Variants in RIMS2 observed in about 807,000 individuals in gnomAD.
RIMS2 encodes the protein regulating synaptic membrane exocytosis 2.
Under a neutral mutation model 174.4 loss-of-function variants are expected in RIMS2, and 59 were observed. The observed-to-expected ratio is 0.34, with a 90% CI of 0.27 to 0.42. The LOEUF is 0.42. Among genes scored for constraint, RIMS2 ranks in the 10% least tolerant of loss-of-function variants. The probability of loss-of-function intolerance (pLI) is 1.00; values close to 1 mark genes in which losing one functional copy is unlikely to be tolerated. For synonymous variants in RIMS2, 606 were observed against 572.5 expected (o/e 1.06, Z -0.84); for missense variants, 1,620 against 1,666.3 (o/e 0.97, Z 0.48).
At chr8:104,063,372 A>G (rs1458006777) in intron 19 of RIMS2, among the ~76,000 whole-genome samples, 2 of 152,192 alleles carry the variant, frequency 1.3e-5, no homozygotes, top group African/African-American at 4.8e-5. Flanking sequence ...TTGTAAAGAC[A>G]TACAATAATC....
intron 19 of RIMS2, among the ~76,000 whole-genome samples, chr8:104,153,259 A>G (rs555442411): frequency 1.1e-4 from 16 of 152,248 alleles, no homozygotes; most frequent in African/African-American, 3.8e-4. Context: ...AGTAGAGAGC[A>G]TATAGAGGGA....
At chr8:104,093,406 A>C in intron 19 of RIMS2, 65 bp from the exon 24 acceptor site, 1 of 1,126,478 alleles carries the variant, frequency 8.9e-7, no homozygotes, top group Middle Eastern at 2.6e-4. Context: ...AATAGGAGAA[A>C]GCTAATAATT....
Position 103,539,481 on chromosome 8 carries a change from A to G in RIMS2, c.176+38419A>G, listed in dbSNP as rs77575286. ...AGCAGAAAACATGGAGAATATCCAA[A>G]CAGAAATAATCACTGGTGAATTGGC... On this transcript the variant is annotated intron_variant, in intron 1 of 23. Transcript: ENST00000504942. Among the ~76,000 whole-genome samples the G allele has an allele frequency of 1.5e-3, 231 of 152,384 alleles. 4 individuals carry two copies. The East Asian group carries it at 0.038, about 25-fold the overall frequency.
chr8:104,055,686 C>A (rs1164602938), intron 19 of RIMS2, among the ~76,000 whole-genome samples: 2 of 152,114 alleles, frequency 1.3e-5, no homozygotes, highest in African/African-American at 4.8e-5. Context: ...GTAACATTTT[C>A]TTCTATACCT....
At chr8:104,075,442 T>C (rs2097270812) in intron 19 of RIMS2, among the ~76,000 whole-genome samples, 2 of 152,214 alleles carry the variant, frequency 1.3e-5, no homozygotes, top group African/African-American at 4.8e-5. Context: ...GTCTAACAGA[T>C]ATCCAGCAGA....
rs182014090 is a variant in RIMS2, at chr8:103,672,249, T to A, written c.177-24837T>A. On this transcript the variant is annotated intron_variant, in intron 1 of 23. Coordinates refer to ENST00000504942, the Ensembl canonical transcript of RIMS2. ...GTTTACTCAAATGTTGAACAGAAATTTATCTACTATCTCTTATTAATATTA... is the reference window on the plus strand; with the variant it reads ...GTTTACTCAAATGTTGAACAGAAATATATCTACTATCTCTTATTAATATTA... Among the ~76,000 whole-genome samples, 104 of 152,230 alleles carry A rather than the reference T, an allele frequency of 6.8e-4. 1 individual carries two copies. Among genetic ancestry groups the A allele is most frequent in the African/African-American group, 2.2e-3 (92 of 41,546 alleles).
At chr8:103,639,636 A>G (rs1346351396) in intron 1 of RIMS2, among the ~76,000 whole-genome samples, 1 of 151,762 alleles carries the variant, frequency 6.6e-6, no homozygotes, top group East Asian at 1.9e-4. Context: ...ATTTCTTTTT[A>G]TTGCTGAGTA....
chr8:103,888,558 T>C (rs2099221672), intron 4 of RIMS2, among the ~76,000 whole-genome samples: 1 of 151,580 alleles, frequency 6.6e-6, no homozygotes, highest in Admixed American at 6.6e-5. Flanking sequence ...GTATTTCTAT[T>C]ATCCTTTGCT....
chr8:104,228,815 T>C (rs1378733505), intron 19 of RIMS2, among the ~76,000 whole-genome samples: 1 of 152,204 alleles, frequency 6.6e-6, no homozygotes, highest in Non-Finnish European at 1.5e-5. Flanking sequence ...AACAAATCAT[T>C]CCATAAATGA....
At position 104,110,107 on chromosome 8, in the gene RIMS2, A is replaced by G. The variant is rs529533055; in HGVS notation, c.3334+95492A>G. Reference sequence around the variant, plus strand: ...GATTGATTTGAAAATAATAGTTCCCATTGGTAAAGCATTTTATAAGCCACT... The same window carrying G: ...GATTGATTTGAAAATAATAGTTCCCGTTGGTAAAGCATTTTATAAGCCACT... On this transcript the variant is annotated intron_variant, in intron 19 of 23. Coordinates refer to ENST00000504942, the Ensembl canonical transcript of RIMS2. 8.7e-4 allele frequency among the ~76,000 whole-genome samples: 133 copies of G among 152,304 alleles called. 2 individuals carry two copies. Among genetic ancestry groups the G allele is most frequent in the African/African-American group, 3.0e-3 (124 of 41,586 alleles).
chr8:103,697,567 A>G (rs1205120045), intron 2 of RIMS2, among the ~76,000 whole-genome samples: 1 of 151,694 alleles, frequency 6.6e-6, no homozygotes, highest in Non-Finnish European at 1.5e-5. Flanking sequence ...AAACAAAAAA[A>G]ACCCACAAAA....
chr8:103,929,276 G>C (rs1488764819), intron 11 of RIMS2, among the ~76,000 whole-genome samples: 1 of 151,578 alleles, frequency 6.6e-6, no homozygotes, highest in East Asian at 1.9e-4. Context: ...ATGGCATAAG[G>C]AAATCTGAAA....
chr8:103,624,526 T>C (rs111900626), intron 1 of RIMS2, among the ~76,000 whole-genome samples: 1 of 152,208 alleles, frequency 6.6e-6, no homozygotes. Flanking sequence ...TCTCCCTTTA[T>C]ATATATGACA....
At chr8:104,039,144 T>C (rs996366981) in intron 19 of RIMS2, among the ~76,000 whole-genome samples, 1 of 151,840 alleles carries the variant, frequency 6.6e-6, no homozygotes, top group African/African-American at 2.4e-5. Context: ...ATGTGCCACT[T>C]TGAAAAAAAC....
chr8:103,599,717 T>C (rs924423619), intron 1 of RIMS2, among the ~76,000 whole-genome samples: 1 of 152,102 alleles, frequency 6.6e-6, no homozygotes, highest in Non-Finnish European at 1.5e-5. Flanking sequence ...TCTGAAGTGC[T>C]GGGATTACAG....
intron 19 of RIMS2, among the ~76,000 whole-genome samples, chr8:104,123,611 G>A (rs527965757): frequency 1.1e-4 from 16 of 150,782 alleles, no homozygotes; most frequent in African/African-American, 3.9e-4. Context: ...GTTCCATGTA[G>A]TAATAGGACA....
At chr8:104,068,348 A>T (rs2154561287) in intron 19 of RIMS2, among the ~76,000 whole-genome samples, 164 bp from the exon 23 acceptor site, 1 of 152,328 alleles carries the variant, frequency 6.6e-6, no homozygotes, top group East Asian at 1.9e-4. Flanking sequence ...ATGAAATTGT[A>T]TACTTTAAAT....
intron 12 of RIMS2, among the ~76,000 whole-genome samples, chr8:103,931,863 A>G (rs1053431786): frequency 6.6e-6 from 1 of 152,114 alleles, no homozygotes; most frequent in Admixed American, 6.5e-5. Flanking sequence ...GTTGTTTTGT[A>G]TCATCACCTT....
intron 9 of RIMS2, among the ~76,000 whole-genome samples, chr8:103,919,534 T>G (rs2077214713): frequency 1.3e-5 from 2 of 148,680 alleles, no homozygotes; most frequent in African/African-American, 2.5e-5. Context: ...TTAAATAGAG[T>G]CGAGGGTAAA....
Sources: gnomAD v4.1 joint callset for allele counts (sites outside exome capture counted in the v4.1 genomes callset) on GRCh38, gnomAD v4.1.1 for gene constraint, MANE v1.5 for transcripts, NCBI Gene and HGNC (gene_info 2026-07-23, HGNC 2026-07-21) for gene names.